The following TMPO variants were observed in gnomAD, a reference collection of about 807,000 sequenced individuals.
The protein encoded by TMPO is thymopoietin, also known as LEM domain containing 4.
TMPO carries 22 observed loss-of-function variants against 45.4 expected under a neutral mutation model. The ratio of observed to expected loss-of-function variants is 0.48; its 90% confidence interval spans 0.35 to 0.69. The LOEUF (loss-of-function observed/expected upper bound fraction) is 0.69, where lower values mean the gene tolerates loss of function less well. TMPO is among the 30% of genes least tolerant of loss of function. The pLI, the probability that TMPO is intolerant of heterozygous loss-of-function variation, is 0.01. For synonymous variants in TMPO, 241 were observed against 204.1 expected (o/e 1.18, Z -1.54); for missense variants, 512 against 548.8 (o/e 0.93, Z 0.67).
At chr12:98,523,077 AG>A (rs1268446302) in intron 1 of TMPO, among the ~76,000 whole-genome samples, 1 of 152,218 alleles carries the variant, frequency 6.6e-6, no homozygotes, top group Non-Finnish European at 1.5e-5. Context: ...GAAACTCTTA[AG>A]TGATCTACTT....
intron 1 of TMPO, among the ~76,000 whole-genome samples, chr12:98,524,459 A>T (rs1174960017): frequency 6.6e-6 from 1 of 152,014 alleles, no homozygotes; most frequent in Non-Finnish European, 1.5e-5. Flanking sequence ...GTAGTCCCAG[A>T]TACTCAGGAG....
At chr12:98,537,643 C>A in intron 4 of TMPO, 71 bp downstream of exon 4, 1 of 1,182,296 alleles carries the variant, frequency 8.5e-7, no homozygotes, top group Non-Finnish European at 1.2e-6. Flanking sequence ...CATGTTTTAG[C>A]CTTTAATGGT....
At position 98,545,129 on chromosome 12, in the gene TMPO, G is replaced by GTTTTT. The variant is rs79128220; in HGVS notation, c.990+82_990+86dup. On this transcript the variant is annotated intron_variant, in intron 7 of 8. Coordinates refer to ENST00000556029, the MANE Select transcript of TMPO (RefSeq NM_001032283.3). Reference sequence around the variant, plus strand: ...AAAGAGGAAATATAAATATTTGTTTGTTTTTTTTTTTTTTTTTTGGAGTGG... The same window carrying GTTTTT: ...AAAGAGGAAATATAAATATTTGTTTGTTTTTTTTTTTTTTTTTTTTTTTGGAGTGG... 3,846 of 645,906 alleles carry GTTTTT rather than the reference G, an allele frequency of 6.0e-3. 2 individuals carry two copies. The highest frequency in any genetic ancestry group is 7.1e-3 in the Non-Finnish European group (2,908 of 408,868). The allele number at this position is 645,906 out of a possible 1,614,324, so 40.0% of individuals were successfully genotyped here.
rs776937160 is a variant in TMPO at position 98,544,529 on chromosome 12, G to A, written c.871G>A (p.Glu291Lys). ...TGAAACTATAATGGCTTCAAGCAAC[G>A]AATCCTTAGTAAATATGTTTCATAA... ...IAETIMASSNESLVVNRVTGN... is the reference protein window; with the variant it reads ...IAETIMASSNKSLVVNRVTGN... Residue 291 changes from glutamate to lysine, a missense_variant, in exon 6 of 9, where the codon GAA becomes AAA. By Grantham distance (56) the Glu-to-Lys change is moderately conservative (BLOSUM62 1). This residue lies in a region of TMPO where 209 missense variants were observed against 235.1 expected (regional missense o/e 0.89). Coordinates refer to ENST00000556029, the MANE Select transcript of TMPO (RefSeq NM_001032283.3). The A allele has an allele frequency of 5.0e-6, 8 of 1,609,414 alleles. No individual in the cohort carries two copies. In the South Asian group the frequency reaches 5.5e-5, roughly 11 times the overall value.
At chr12:98,521,100 A>ATTTTTTTTTTT (rs398044704) in intron 1 of TMPO, among the ~76,000 whole-genome samples, 2,402 of 76,710 alleles carry the variant, frequency 0.031, 387 homozygotes, top group Non-Finnish European at 0.045. Context: ...TTTATGAGGA[A>ATTTTTTTTTTT]TTTTTTTTTT....
At chr12:98,533,605 A>G (rs1877358359) in intron 3 of TMPO, 1 of 1,614,066 alleles carries the variant, frequency 6.2e-7, no homozygotes, top group African/African-American at 1.3e-5. Flanking sequence ...GGCATTTCAG[A>G]ACATACCTGG....
intron 1 of TMPO, 108 bp downstream of exon 1, chr12:98,516,254 G>C: frequency 7.8e-7 from 1 of 1,284,724 alleles, no homozygotes; most frequent in Non-Finnish European, 9.8e-7. Context: ...GGCCTCCCAG[G>C]TGCGGGGCTG....
rs1157731205 is a variant in TMPO, at chr12:98,542,309, C to T, written c.664-1921C>T. 3.9e-5 allele frequency among the ~76,000 whole-genome samples: 6 copies of T among 152,028 alleles called. No individual in the cohort carries two copies. In the South Asian group the frequency reaches 1.0e-3, roughly 26 times the overall value. On this transcript the variant is annotated intron_variant, in intron 4 of 8. Coordinates refer to ENST00000556029, the MANE Select transcript of TMPO (RefSeq NM_001032283.3). ...GTTTTGTTTTTTAATAAAGTTAGTA[C>T]GAGTAACCATATTGGTCATGTTTTA...
At chr12:98,533,571 G>A (rs1877356143) in intron 3 of TMPO, 1 of 1,614,206 alleles carries the variant, frequency 6.2e-7, no homozygotes, top group South Asian at 1.1e-5. Context: ...AGTCAGTGGA[G>A]GAAAGGGATT....
In TMPO at chr12:98,534,134, C is replaced by T. The variant is rs397516843; in HGVS notation, c.565+2296C>T. The stretch of plus-strand genomic sequence containing the variant: ...CTGAGCAAAACATATGATGCAGCCT[C>T]ATATATTTGTGAAGCTGCATTTGAT... On this transcript the variant is annotated intron_variant, in intron 3 of 8. Coordinates refer to ENST00000556029, the MANE Select transcript of TMPO (RefSeq NM_001032283.3). 1 of 1,613,900 alleles carries T rather than the reference C, an allele frequency of 6.2e-7. No homozygotes were observed. Among genetic ancestry groups the T allele is most frequent in the South Asian group, 1.1e-5 (1 of 91,078 alleles).
chr12:98,531,300 G>A (rs1219835775), intron 2 of TMPO, among the ~76,000 whole-genome samples: 3 of 143,836 alleles, frequency 2.1e-5, no homozygotes, highest in African/African-American at 7.8e-5. Flanking sequence ...ACAGTGGTGC[G>A]ATCTCAGCTC....
rs189837683 is a variant in TMPO at position 98,530,560 on chromosome 12, G to C, written c.407-1120G>C. Among the ~76,000 whole-genome samples, 120 of 152,214 alleles carry C rather than the reference G, an allele frequency of 7.9e-4. 1 individual carries two copies. The highest frequency in any genetic ancestry group is 3.2e-4 in the Non-Finnish European group (22 of 68,008). On this transcript the variant is annotated intron_variant, in intron 2 of 8. Coordinates refer to ENST00000556029, the MANE Select transcript of TMPO (RefSeq NM_001032283.3). ...TTAATGTAAAACAAAATCTATTTTG[G>C]TTTTAAACTGTCACTGATGTTCAAA... is the stretch of plus-strand genomic sequence containing the variant.
At chr12:98,537,739 A>C in intron 4 of TMPO, 167 bp downstream of exon 4, 1 of 707,520 alleles carries the variant, frequency 1.4e-6, no homozygotes, top group East Asian at 2.7e-5. Flanking sequence ...TTTTGTCAGT[A>C]GTGTAGCCTG....
At chr12:98,533,382 G>A in intron 3 of TMPO, 1 of 1,614,214 alleles carries the variant, frequency 6.2e-7, no homozygotes, top group Non-Finnish European at 8.5e-7. Flanking sequence ...CACTTGCCCA[G>A]GCAATCAGAG....
chr12:98,528,954 C>A (rs1317663638), intron 2 of TMPO, among the ~76,000 whole-genome samples: 1 of 151,752 alleles, frequency 6.6e-6, no homozygotes, highest in Admixed American at 6.6e-5. Flanking sequence ...TGGAGCAAGA[C>A]CCTGTCTCAA....
At position 98,531,828 on chromosome 12, in the gene TMPO, C is replaced by T. The variant is rs1426599630; in HGVS notation, c.555C>T (p.Asp185=). The T allele has an allele frequency of 1.9e-6, 3 of 1,610,652 alleles. No individual in the cohort carries two copies. Among genetic ancestry groups the T allele is most frequent in the Non-Finnish European group, 1.7e-6 (2 of 1,178,554 alleles). Residue 185 remains aspartate, a synonymous_variant, in exon 3 of 9, where the codon GAC becomes GAT. Coordinates refer to ENST00000556029, the MANE Select transcript of TMPO (RefSeq NM_001032283.3). ...GTAATGATTCTGACAGATACAGTGA[C>T]AATGAAGAAGGTAAAATTTTAAATG... ...NGSNDSDRYS[D]NEEDSKIELK... is the part of the protein sequence containing the mutation.
Position 98,548,460 on chromosome 12 carries a change from A to G in TMPO, c.*602A>G, listed in dbSNP as rs2121265831. 1.3e-5 allele frequency: 2 copies of G among 153,100 alleles called. No homozygotes were observed. Among genetic ancestry groups the G allele is most frequent in the East Asian group, 3.8e-4 (2 of 5,200 alleles). 9.5% of individuals were successfully genotyped at this position (153,100 alleles called of 1,614,324 possible). A position where few individuals can be genotyped will look rare whatever the true frequency, so the allele number is the denominator to read the frequency against. On this transcript the variant is annotated 3_prime_UTR_variant, in exon 9 of 9. Coordinates refer to ENST00000556029, the MANE Select transcript of TMPO (RefSeq NM_001032283.3). ...TCATACTCACTTTTTAAGACACAGTATCATGAAAGTCCTATTTCAGTAAGA... is the reference window on the plus strand; with the variant it reads ...TCATACTCACTTTTTAAGACACAGTGTCATGAAAGTCCTATTTCAGTAAGA...
chr12:98,545,474 T>G (rs1028756924), intron 7 of TMPO, among the ~76,000 whole-genome samples: 28 of 152,216 alleles, frequency 1.8e-4, no homozygotes, highest in Admixed American at 1.7e-3. Context: ...TTAACTCCTG[T>G]GTAATTAAGC....
At position 98,515,632 on chromosome 12, in the gene TMPO, G is replaced by C; in HGVS notation, c.-236G>C. On this transcript the variant is annotated 5_prime_UTR_variant, in exon 1 of 9. Transcript: ENST00000556029. ...TCCTGCCTGTAGTGTGTGGGCTGGG[G>C]TTGGTGCGAGCTTCCAGCTTGGCCG... The C allele has an allele frequency of 1.4e-6, 1 of 731,874 alleles. No individual in the cohort carries two copies. The highest frequency in any genetic ancestry group is 1.9e-5 in the South Asian group (1 of 54,010). 45.3% of individuals were successfully genotyped at this position (731,874 alleles called of 1,614,324 possible).
Sources: gnomAD v4.1 joint callset for allele counts (sites outside exome capture counted in the v4.1 genomes callset) on GRCh38, gnomAD v4.1.1 for gene constraint, gnomAD v4.1.1 regional missense constraint, MANE v1.5 for transcripts, NCBI Gene and HGNC (gene_info 2026-07-23, HGNC 2026-07-21) for gene names.